The following FER1L6 variants were observed in gnomAD, a reference collection of about 807,000 sequenced individuals.
The protein encoded by FER1L6 is fer-1-like protein 6.
In FER1L6, 177 loss-of-function variants were observed where a neutral mutation model predicts 219.2. The observed-to-expected ratio is 0.81, with a 90% CI of 0.71 to 0.91. FER1L6 has a LOEUF of 0.91. Ranked by LOEUF, FER1L6 falls within the 40% of genes least tolerant of loss-of-function variation. FER1L6 has a pLI of 0.00. For missense variants in FER1L6, 2,153 were observed against 2,259.9 expected, an observed-to-expected ratio of 0.95 and a Z score of 0.96; for synonymous variants, 768 against 824.3, an observed-to-expected ratio of 0.93 and a Z score of 1.17.
At chr8:124,028,917 C>T (rs10106981) in intron 18 of FER1L6, among the ~76,000 whole-genome samples, 42,646 of 152,088 alleles carry the variant, frequency 0.28, 6,069 homozygotes, top group Admixed American at 0.32. Flanking sequence ...AGGTATTTGT[C>T]CTAATGGTCT....
intron 39 of FER1L6, among the ~76,000 whole-genome samples, chr8:124,110,598 CT>C (rs1421023964): frequency 6.6e-6 from 1 of 152,200 alleles, no homozygotes; most frequent in Non-Finnish European, 1.5e-5. Flanking sequence ...TGAGTAGTCA[CT>C]AAAAGCAACC....
At chr8:123,967,172 T>C (rs1815583677) in intron 5 of FER1L6, among the ~76,000 whole-genome samples, 1 of 152,054 alleles carries the variant, frequency 6.6e-6, no homozygotes. Context: ...TTCCCTCTGA[T>C]CTTTGATCCC....
At chr8:123,977,190 C>T (rs1398505473) in intron 9 of FER1L6, among the ~76,000 whole-genome samples, 2 of 152,224 alleles carry the variant, frequency 1.3e-5, no homozygotes, top group Non-Finnish European at 2.9e-5. Context: ...CTGATCAGAA[C>T]TTCCTGAGGG....
At chr8:123,972,874 C>T (rs1200755391) in intron 6 of FER1L6, among the ~76,000 whole-genome samples, 1 of 152,198 alleles carries the variant, frequency 6.6e-6, no homozygotes, top group Non-Finnish European at 1.5e-5. Flanking sequence ...TTAGAACTTC[C>T]TCATCTTGAG....
intron 1 of FER1L6, among the ~76,000 whole-genome samples, chr8:123,875,183 A>G (rs2130284231): frequency 6.6e-6 from 1 of 152,074 alleles, no homozygotes; most frequent in Middle Eastern, 3.4e-3. Flanking sequence ...GATAAGAGTG[A>G]GACTCAGTCT....
In FER1L6 at chr8:124,021,653, G is replaced by C. The variant is rs751354187; in HGVS notation, c.2117G>C (p.Arg706Pro). 1 of 1,613,996 alleles carries C rather than the reference G, an allele frequency of 6.2e-7. No individual in the cohort carries two copies. Among genetic ancestry groups the C allele is most frequent in the South Asian group, 1.1e-5 (1 of 91,080 alleles). Residue 706 changes from arginine to proline, a missense_variant, in exon 17 of 41, where the codon CGC becomes CCC. Physicochemically the swap from Arg to Pro is moderately radical, Grantham distance 103 (BLOSUM62 -2). Transcript: ENST00000522917. ...HEAQNFVEKI[R>P]FLVDEPQHTI... ...GCCCAAAACTTTGTGGAAAAAATCC[G>C]CTTTCTTGTTGATGAGGTAACTGAC...
intron 1 of FER1L6, among the ~76,000 whole-genome samples, chr8:123,923,872 GGCAGCT>G (rs1372536819): frequency 6.7e-6 from 1 of 150,240 alleles, no homozygotes; most frequent in Non-Finnish European, 1.5e-5. Flanking sequence ...GGACCCAGGA[GGCAGCT>G]GCAGTGAGCC....
intron 1 of FER1L6, among the ~76,000 whole-genome samples, chr8:123,891,086 T>C (rs1052942024): frequency 2.0e-5 from 3 of 152,198 alleles, no homozygotes; most frequent in African/African-American, 7.2e-5. Flanking sequence ...GATATTCACT[T>C]GGATTAAGTA....
chr8:124,086,476 G>T (rs543357468), intron 33 of FER1L6, among the ~76,000 whole-genome samples: 21 of 150,278 alleles, frequency 1.4e-4, no homozygotes, highest in African/African-American at 5.1e-4. Context: ...TAAAACTGAT[G>T]AAAACTCTAT....
intron 2 of FER1L6, among the ~76,000 whole-genome samples, chr8:123,962,184 C>T (rs1815320130): frequency 6.6e-6 from 1 of 152,168 alleles, no homozygotes; most frequent in Admixed American, 6.5e-5. Flanking sequence ...CCACTGTGCC[C>T]AGCCTGTCTG....
At position 123,863,932 on chromosome 8, in the gene FER1L6, C is replaced by T. The variant is rs965452915; in HGVS notation, c.-8+11747C>T. ...ACACTGATGGGTCTTGACTCTTTATCCAACTTGCCAGTCTGTGTCTTTTAA... is the reference window on the plus strand; with the variant it reads ...ACACTGATGGGTCTTGACTCTTTATTCAACTTGCCAGTCTGTGTCTTTTAA... On this transcript the variant is annotated intron_variant, in intron 1 of 40. Coordinates refer to ENST00000522917, the MANE Select transcript of FER1L6 (RefSeq NM_001039112.2). Among the ~76,000 whole-genome samples the T allele has an allele frequency of 1.1e-4, 17 of 150,768 alleles. 1 individual carries two copies. The highest frequency in any genetic ancestry group is 4.2e-4 in the African/African-American group (17 of 40,144).
chr8:124,058,017 T>C (rs1412375038), intron 22 of FER1L6, among the ~76,000 whole-genome samples: 1 of 152,244 alleles, frequency 6.6e-6, no homozygotes. Context: ...GTGCATGCCA[T>C]ATTTTATTGC....
At position 123,975,233 on chromosome 8, in the gene FER1L6, A is replaced by T; in HGVS notation, c.610A>T (p.Ile204Phe). Reference protein sequence around the residue: ...TGTKGYLKCDISVMGKGDVLK... With the variant: ...TGTKGYLKCDFSVMGKGDVLK... Reference sequence around the variant, plus strand: ...CACCAAGGGGTACCTGAAATGTGACATCAGTGTCATGGGAAAAGGTGATGT... The same window carrying T: ...CACCAAGGGGTACCTGAAATGTGACTTCAGTGTCATGGGAAAAGGTGATGT... The change falls in exon 8 of 41, where the codon ATC (isoleucine) becomes TTC (phenylalanine). Residue 204 changes from isoleucine (I) to phenylalanine (F), a missense_variant. Transcript: ENST00000522917. The T allele has an allele frequency of 6.2e-7, 1 of 1,613,354 alleles. No homozygotes were observed. The highest frequency in any genetic ancestry group is 8.5e-7 in the Non-Finnish European group (1 of 1,179,754).
chr8:123,883,805 C>T (rs1316822132), intron 1 of FER1L6, among the ~76,000 whole-genome samples: 2 of 152,132 alleles, frequency 1.3e-5, no homozygotes, highest in African/African-American at 4.8e-5. Context: ...ACAAACAGCT[C>T]TCTTGCAACT....
At chr8:123,892,640 A>C (rs1304767140) in intron 1 of FER1L6, among the ~76,000 whole-genome samples, 1 of 152,138 alleles carries the variant, frequency 6.6e-6, no homozygotes, top group Non-Finnish European at 1.5e-5. Flanking sequence ...ATTGTTTGGG[A>C]AACCGAGTCT....
chr8:123,878,620 C>T (rs1817053177), intron 1 of FER1L6, among the ~76,000 whole-genome samples: 1 of 152,202 alleles, frequency 6.6e-6, no homozygotes, highest in African/African-American at 2.4e-5. Context: ...TTTCCTTACC[C>T]ATGAGCCTTA....
At chr8:124,033,748 C>A (rs982113315) in intron 18 of FER1L6, among the ~76,000 whole-genome samples, 3 of 152,206 alleles carry the variant, frequency 2.0e-5, no homozygotes, top group African/African-American at 7.2e-5. Context: ...TGGGATCCAA[C>A]TAAAGTGCCC....
intron 1 of FER1L6, among the ~76,000 whole-genome samples, chr8:123,884,746 G>A (rs1817169447): frequency 6.6e-6 from 1 of 150,986 alleles, no homozygotes; most frequent in Non-Finnish European, 1.5e-5. Context: ...CTGCAGTGAG[G>A]CAGCTTGGAA....
intron 12 of FER1L6, among the ~76,000 whole-genome samples, chr8:124,002,678 T>TTCTC (rs201220294): frequency 6.9e-6 from 1 of 144,730 alleles, no homozygotes; most frequent in African/African-American, 2.5e-5. Flanking sequence ...CCCACTCTGC[T>TTCTC]TCTCTCTCTC....
Sources: gnomAD v4.1 joint callset for allele counts (sites outside exome capture counted in the v4.1 genomes callset) on GRCh38, gnomAD v4.1.1 for gene constraint, MANE v1.5 for transcripts, NCBI Gene and HGNC (gene_info 2026-07-23, HGNC 2026-07-21) for gene names.